MYO3B: variants seen among roughly 807,000 people sequenced by gnomAD.
The protein encoded by MYO3B is myosin-IIIb.
In MYO3B, 156 loss-of-function variants were observed where a neutral mutation model predicts 174.6. The observed-to-expected ratio is 0.89, with a 90% CI of 0.78 to 1.02. The LOEUF is 1.02. MYO3B is among the 50% of genes least tolerant of loss of function. The pLI is 0.00. For synonymous variants in MYO3B, 563 were observed against 569.1 expected, an observed-to-expected ratio of 0.99 and a Z score of 0.15; for missense variants, 1,632 against 1,639.4, an observed-to-expected ratio of 1.00 and a Z score of 0.08.
intron 7 of MYO3B, among the ~76,000 whole-genome samples, chr2:170,253,636 C>T (rs777409377): frequency 1.3e-5 from 2 of 151,890 alleles, no homozygotes; most frequent in Non-Finnish European, 2.9e-5. Context: ...ACGAGAGCTC[C>T]TGAGGGCTAC....
At chr2:170,180,277 C>A in intron 1 of MYO3B, 3 of 324,686 alleles carry the variant, frequency 9.2e-6, no homozygotes, top group South Asian at 4.5e-5. Context: ...AACTAGCTCA[C>A]GAGAAACTCA....
chr2:170,203,495 C>CGGG, intron 3 of MYO3B, among the ~76,000 whole-genome samples: 16 of 3,462 alleles, frequency 4.6e-3, no homozygotes, highest in Admixed American at 0.013. Flanking sequence ...CAAAAGGGGG[C>CGGG]GGCGGGGGGG....
intron 32 of MYO3B, among the ~76,000 whole-genome samples, chr2:170,628,089 T>C (rs924969929): frequency 6.6e-6 from 1 of 152,196 alleles, no homozygotes; most frequent in Non-Finnish European, 1.5e-5. Flanking sequence ...GACAGGGACA[T>C]TTAAGTCTTC....
intron 1 of MYO3B, among the ~76,000 whole-genome samples, chr2:170,192,289 CT>C (rs2092550183): frequency 7.5e-6 from 1 of 133,650 alleles, no homozygotes; most frequent in African/African-American, 2.5e-5. Flanking sequence ...TTTTCTATTT[CT>C]TTTGGGTTCA....
At chr2:170,346,324 A>T (rs1205009074) in intron 8 of MYO3B, 1 of 152,184 alleles carries the variant, frequency 6.6e-6, no homozygotes, top group Admixed American at 6.5e-5. Context: ...TTTAAAGCTC[A>T]TCAGCTATTG....
At position 170,514,958 on chromosome 2, in the gene MYO3B, C is replaced by T. The variant is rs191454380; in HGVS notation, c.3408C>T (p.Pro1136=). 62 of 1,613,838 alleles carry T rather than the reference C, an allele frequency of 3.8e-5. No homozygotes were observed. In the East Asian group the frequency reaches 5.6e-4, roughly 14 times the overall value. Residue 1136 remains proline (P), a synonymous_variant, in exon 29 of 35, where the codon CCC becomes CCT. Transcript: ENST00000408978. ...ACCAAAGCAGTGGGCCACATTCCCCCGTCGCAGCAGGTACGAGGGGAAGTG... is the reference window on the plus strand; with the variant it reads ...ACCAAAGCAGTGGGCCACATTCCCCTGTCGCAGCAGGTACGAGGGGAAGTG... ...TSNQSSGPHS[P]VAAGTRGSAE...
rs1256409200 is a variant in MYO3B, at chr2:170,601,996, T to C, written c.3734-49632T>C. The C allele has an allele frequency of 1.2e-5, 11 of 880,632 alleles. No individual in the cohort carries two copies. The South Asian group carries it at 1.5e-4, about 12-fold the overall frequency. 54.6% of individuals were successfully genotyped at this position (880,632 alleles called of 1,614,324 possible). ...TTTTGTCTCCCCTTTAGGAGGGATATAGGTTTTCATTTCTCTTTCATAACG... is the reference window on the plus strand; with the variant it reads ...TTTTGTCTCCCCTTTAGGAGGGATACAGGTTTTCATTTCTCTTTCATAACG... On this transcript the variant is annotated intron_variant, in intron 32 of 34. Transcript: ENST00000408978.
intron 9 of MYO3B, among the ~76,000 whole-genome samples, chr2:170,377,418 T>C (rs1018241329): frequency 2.0e-5 from 3 of 152,240 alleles, no homozygotes; most frequent in Non-Finnish European, 4.4e-5. Context: ...ACTCCCAGCC[T>C]CTACCTCTGG....
chr2:170,613,989 G>C (rs1695286217), intron 32 of MYO3B, among the ~76,000 whole-genome samples: 1 of 152,024 alleles, frequency 6.6e-6, no homozygotes, highest in South Asian at 2.1e-4. Flanking sequence ...TGTCCCTCTA[G>C]AGAACCCTGA....
rs749848396 is a variant in MYO3B, at chr2:170,401,547, C to T, written c.1985C>T (p.Thr662Ile). 1 of 1,614,182 alleles carries T rather than the reference C, an allele frequency of 6.2e-7. No individual in the cohort carries two copies. The highest frequency in any genetic ancestry group is 8.5e-7 in the Non-Finnish European group (1 of 1,180,034). Residue 662 changes from threonine to isoleucine, a missense_variant, in exon 18 of 35, where the codon ACC becomes ATC. Coordinates refer to ENST00000408978, the MANE Select transcript of MYO3B (RefSeq NM_138995.5). ...QEALTSHCVV[T>I]RGETIIRANT... is the part of the protein sequence containing the mutation. ...GCCCTCACCTCCCACTGTGTGGTCACCCGGGGCGAGACCATCATCCGTGCC... is the reference window on the plus strand; with the variant it reads ...GCCCTCACCTCCCACTGTGTGGTCATCCGGGGCGAGACCATCATCCGTGCC...
At chr2:170,377,791 C>T (rs1243742226) in intron 9 of MYO3B, among the ~76,000 whole-genome samples, 2 of 152,238 alleles carry the variant, frequency 1.3e-5, no homozygotes, top group Non-Finnish European at 2.9e-5. Flanking sequence ...AAAACGTCTT[C>T]TGAGCCATTA....
Position 170,203,487 on chromosome 2 carries a change from A to G in MYO3B, c.321+3203A>G, listed in dbSNP as rs943307930. 4.8e-4 allele frequency among the ~76,000 whole-genome samples: 37 copies of G among 76,560 alleles called. 2 individuals are homozygous for G. The highest frequency in any genetic ancestry group is 2.1e-3 in the African/African-American group (35 of 16,744). The allele number at this position is 76,560 out of a possible 152,430, so 50.2% of individuals were successfully genotyped here. On this transcript the variant is annotated intron_variant, in intron 3 of 34. Transcript: ENST00000408978. ...GTATCTAATATGTAGAGCCAAAGCAAAAGGGGGCGGCGGGGGGGGGAGGGA... is the reference window on the plus strand; with the variant it reads ...GTATCTAATATGTAGAGCCAAAGCAGAAGGGGGCGGCGGGGGGGGGAGGGA...
At chr2:170,236,553 G>A (rs1389526417) in intron 7 of MYO3B, among the ~76,000 whole-genome samples, 1 of 152,168 alleles carries the variant, frequency 6.6e-6, no homozygotes, top group East Asian at 1.9e-4. Context: ...GCATTGAAAT[G>A]TATCAGAAAA....
chr2:170,518,327 C>A (rs995496105), intron 29 of MYO3B, among the ~76,000 whole-genome samples: 3 of 152,148 alleles, frequency 2.0e-5, no homozygotes, highest in African/African-American at 7.2e-5. Flanking sequence ...TCACAATTCC[C>A]AAATTTATAG....
intron 25 of MYO3B, among the ~76,000 whole-genome samples, chr2:170,469,825 G>T (rs551385646): frequency 6.6e-6 from 1 of 151,914 alleles, no homozygotes; most frequent in African/African-American, 2.4e-5. Flanking sequence ...CAATTCAGCC[G>T]GGCACGGTGG....
chr2:170,651,731 A>G lies in MYO3B; in HGVS notation c.3837A>G (p.Leu1279=), dbSNP rs759882695. The G allele has an allele frequency of 6.2e-7, 1 of 1,613,166 alleles. No individual in the cohort carries two copies. Among genetic ancestry groups the G allele is most frequent in the South Asian group, 1.1e-5 (1 of 91,006 alleles). The change falls in exon 33 of 35, where the codon TTA becomes TTG. Residue 1279 remains leucine, a synonymous_variant. Transcript: ENST00000408978. ...AGGACACCATGTACTATAACCAGTT[A>G]AATGTGAGTTCAAAGTGGCCGTAAA... ...SPEDTMYYNQ[L]NGTLEYQGSK... is the part of the protein sequence containing the mutation.
chr2:170,633,326 C>A (rs894556654), intron 32 of MYO3B, among the ~76,000 whole-genome samples: 3 of 152,212 alleles, frequency 2.0e-5, no homozygotes, highest in Non-Finnish European at 4.4e-5. Context: ...ATACGCAAAT[C>A]AATAAACTTA....
At chr2:170,278,535 C>T (rs932819435) in intron 7 of MYO3B, among the ~76,000 whole-genome samples, 2 of 151,964 alleles carry the variant, frequency 1.3e-5, no homozygotes, top group South Asian at 2.1e-4. Flanking sequence ...ATGTTTTATG[C>T]ATAGAATGTC....
intron 23 of MYO3B, among the ~76,000 whole-genome samples, chr2:170,454,520 T>C (rs2105935688): frequency 6.6e-6 from 1 of 152,344 alleles, no homozygotes. Flanking sequence ...TTCATGCACA[T>C]TGGGCTGGCA....
Sources: allele counts gnomAD v4.1 joint callset (sites outside exome capture counted in the v4.1 genomes callset), GRCh38; gene constraint gnomAD v4.1.1; transcripts MANE v1.5; gene names NCBI Gene and HGNC (gene_info 2026-07-23, HGNC 2026-07-21).